Variants in CFAP20DC observed in about 807,000 individuals in gnomAD.
The protein encoded by CFAP20DC is CFAP20 domain containing, also known as protein CFAP20DC.
In CFAP20DC, 84 loss-of-function variants were observed where a neutral mutation model predicts 101.7. The observed-to-expected ratio is 0.83, with a 90% CI of 0.69 to 0.99. The LOEUF is 0.99. CFAP20DC is among the 50% of genes least tolerant of loss of function. The probability of loss-of-function intolerance (pLI) is 0.00; values close to 1 mark genes in which losing one functional copy is unlikely to be tolerated. For missense variants in CFAP20DC, 1,007 were observed against 970.3 expected, an observed-to-expected ratio of 1.04 and a Z score of -0.50; for synonymous variants, 359 against 351.2, an observed-to-expected ratio of 1.02 and a Z score of -0.25.
intron 3 of CFAP20DC, among the ~76,000 whole-genome samples, chr3:59,044,473 G>A (rs759173766): frequency 1.3e-5 from 2 of 151,968 alleles, no homozygotes; most frequent in Non-Finnish European, 2.9e-5. Context: ...ATAAGGCATT[G>A]TACAAGAAAT....
intron 13 of CFAP20DC, 98 bp from the exon 14 acceptor site, chr3:58,831,987 C>T (rs1317866579): frequency 1.0e-6 from 1 of 967,662 alleles, no homozygotes; most frequent in African/African-American, 1.6e-5. Flanking sequence ...GCTCCCCCAA[C>T]TGACAGAGGC....
intron 4 of CFAP20DC, among the ~76,000 whole-genome samples, chr3:58,978,057 G>A (rs776977323): frequency 3.3e-5 from 5 of 152,196 alleles, no homozygotes; most frequent in African/African-American, 7.2e-5. Context: ...GAAAGGATCC[G>A]GAAGTAGGCT....
At chr3:58,957,930 T>C (rs2090788507) in intron 4 of CFAP20DC, among the ~76,000 whole-genome samples, 2 of 152,172 alleles carry the variant, frequency 1.3e-5, no homozygotes, top group Admixed American at 6.5e-5. Flanking sequence ...GGACTTAGTA[T>C]TTGATATCAC....
At chr3:58,865,655 CA>C (rs887131070) in intron 11 of CFAP20DC, among the ~76,000 whole-genome samples, 8 of 152,126 alleles carry the variant, frequency 5.3e-5, no homozygotes, top group African/African-American at 1.9e-4. Context: ...GCTTTGTAAG[CA>C]AATTAGGTGC....
chr3:58,772,069 C>T (rs1321532862), intron 15 of CFAP20DC, among the ~76,000 whole-genome samples: 1 of 152,308 alleles, frequency 6.6e-6, no homozygotes, highest in South Asian at 2.1e-4. Context: ...AGTCTTTCCT[C>T]CCCTTCACAA....
rs1196699448 is a variant in CFAP20DC at position 58,850,615 on chromosome 3, C to CA, written c.1594-1207dup. ...AAAAAAAAAAAAAAAGACAAAACAA[C>CA]AAAAAAAACCAACCAACCAACCAAA... On this transcript the variant is annotated intron_variant, in intron 12 of 16. Coordinates refer to ENST00000482387, the MANE Select transcript of CFAP20DC (RefSeq NM_001394063.1). Among the ~76,000 whole-genome samples the CA allele has an allele frequency of 1.0e-4, 15 of 145,020 alleles. No individual in the cohort carries two copies. The Middle Eastern group carries it at 0.011, about 105-fold the overall frequency.
intron 5 of CFAP20DC, among the ~76,000 whole-genome samples, chr3:58,920,965 T>C (rs1027312138): frequency 1.3e-5 from 2 of 152,206 alleles, no homozygotes; most frequent in African/African-American, 4.8e-5. Context: ...AAAATAGTTA[T>C]AAGGCTATCC....
intron 4 of CFAP20DC, among the ~76,000 whole-genome samples, chr3:58,955,497 C>A (rs2090546151): frequency 6.6e-6 from 1 of 152,114 alleles, no homozygotes; most frequent in Admixed American, 6.6e-5. Context: ...CTGATGCCCA[C>A]CCACAGAGGG....
At chr3:58,898,836 T>G (rs1049857179) in intron 6 of CFAP20DC, among the ~76,000 whole-genome samples, 3 of 152,194 alleles carry the variant, frequency 2.0e-5, no homozygotes, top group Non-Finnish European at 4.4e-5. Flanking sequence ...ACCTTTGATC[T>G]TTCAGATTGC....
At chr3:58,918,682 C>T (rs369084089) in intron 5 of CFAP20DC, among the ~76,000 whole-genome samples, 17 of 152,016 alleles carry the variant, frequency 1.1e-4, no homozygotes, top group African/African-American at 3.4e-4. Flanking sequence ...ACCATACTGG[C>T]AACTCCTTTG....
At chr3:59,020,635 C>T in intron 4 of CFAP20DC, among the ~76,000 whole-genome samples, 1 of 152,056 alleles carries the variant, frequency 6.6e-6, no homozygotes, top group East Asian at 1.9e-4. Context: ...GAATACATCT[C>T]TGCCCTGTTG....
At chr3:58,844,464 A>C (rs1400996118) in intron 13 of CFAP20DC, among the ~76,000 whole-genome samples, 3 of 141,102 alleles carry the variant, frequency 2.1e-5, no homozygotes, top group African/African-American at 9.2e-5. Flanking sequence ...AGAGCTAACT[A>C]TCGTAAACAT....
intron 4 of CFAP20DC, among the ~76,000 whole-genome samples, chr3:59,009,933 A>T (rs2093542156): frequency 6.6e-6 from 1 of 152,206 alleles, no homozygotes; most frequent in South Asian, 2.1e-4. Flanking sequence ...AATAATAGCC[A>T]AGAATTTTGT....
intron 4 of CFAP20DC, among the ~76,000 whole-genome samples, chr3:58,938,058 G>T (rs974319300): frequency 1.3e-5 from 2 of 152,166 alleles, no homozygotes; most frequent in African/African-American, 4.8e-5. Flanking sequence ...GATGAACTGA[G>T]AAACTGTTAG....
chr3:58,997,110 G>A (rs1016264973), intron 4 of CFAP20DC, among the ~76,000 whole-genome samples: 1 of 152,194 alleles, frequency 6.6e-6, no homozygotes, highest in Non-Finnish European at 1.5e-5. Flanking sequence ...ATGTCCCTGG[G>A]ACAGACAAGG....
chr3:58,949,754 T>G (rs888958617), intron 4 of CFAP20DC, among the ~76,000 whole-genome samples: 1 of 152,110 alleles, frequency 6.6e-6, no homozygotes, highest in Non-Finnish European at 1.5e-5. Context: ...AAAATTAGGT[T>G]TTGATGGGAT....
chr3:58,761,530 ATTT>A (rs2069596005), intron 15 of CFAP20DC, among the ~76,000 whole-genome samples: 1 of 151,726 alleles, frequency 6.6e-6, no homozygotes, highest in African/African-American at 2.4e-5. Context: ...TTGTGTCTCT[ATTT>A]CCTTCAGTTC....
intron 4 of CFAP20DC, among the ~76,000 whole-genome samples, chr3:58,976,457 G>GAT (rs2092280831): frequency 6.6e-6 from 1 of 152,178 alleles, no homozygotes; most frequent in Non-Finnish European, 1.5e-5. Flanking sequence ...TGCATGTTAT[G>GAT]ATGACCATTT....
intron 15 of CFAP20DC, among the ~76,000 whole-genome samples, chr3:58,787,489 T>TA (rs2072460184): frequency 6.6e-6 from 1 of 151,796 alleles, no homozygotes; most frequent in African/African-American, 2.4e-5. Context: ...TAAAGTATAA[T>TA]AAAAAAGAAT....
Sources: gnomAD v4.1 joint callset for allele counts (sites outside exome capture counted in the v4.1 genomes callset) on GRCh38, gnomAD v4.1.1 for gene constraint, MANE v1.5 for transcripts, NCBI Gene and HGNC (gene_info 2026-07-23, HGNC 2026-07-21) for gene names.